The following TBX20 variants were observed in gnomAD, a reference collection of about 807,000 sequenced individuals.
TBX20 encodes T-box transcription factor 20, also known as T-box transcription factor TBX20.
Under a neutral mutation model 42.9 loss-of-function variants are expected in TBX20, and 8 were observed. The ratio of observed to expected loss-of-function variants is 0.19; its 90% CI spans 0.11 to 0.34. TBX20 has a LOEUF of 0.34. TBX20 is among the 10% of genes least tolerant of loss of function. The pLI is 1.00. For synonymous variants in TBX20, 198 were observed against 222.8 expected (o/e 0.89, Z 0.99); for missense variants, 411 against 566.0 (o/e 0.73, Z 2.78).
chr7:35,226,032 T>C (rs1224268636), intron 6 of TBX20, among the ~76,000 whole-genome samples: 3 of 152,086 alleles, frequency 2.0e-5, no homozygotes, highest in Non-Finnish European at 4.4e-5. Context: ...ATGAATACAT[T>C]AGTAAATACA....
chr7:35,209,795 A>T (rs917702058), intron 6 of TBX20, among the ~76,000 whole-genome samples: 12 of 152,182 alleles, frequency 7.9e-5, no homozygotes, highest in Non-Finnish European at 1.6e-4. Context: ...GTAGCACTAT[A>T]AATTTTCTGG....
At chr7:35,245,732 A>G (rs1439504314) in intron 3 of TBX20, among the ~76,000 whole-genome samples, 4 of 152,206 alleles carry the variant, frequency 2.6e-5, no homozygotes, top group African/African-American at 9.6e-5. Flanking sequence ...CACACTTCAC[A>G]TTATTCAATT....
At chr7:35,253,052 T>G (rs1172169506) in intron 1 of TBX20, among the ~76,000 whole-genome samples, 3 of 151,348 alleles carry the variant, frequency 2.0e-5, no homozygotes, top group African/African-American at 4.9e-5. Context: ...AAGAGCTTGC[T>G]CTGTTTTGTC....
In TBX20 at chr7:35,205,988, AAAGTATG is replaced by A. The variant is rs1393049458; in HGVS notation, c.891-1413_891-1407del. Among the ~76,000 whole-genome samples the A allele has an allele frequency of 2.0e-5, 3 of 152,240 alleles. No individual in the cohort carries two copies. The South Asian group carries it at 6.2e-4, about 32-fold the overall frequency. On this transcript the variant is annotated intron_variant, in intron 6 of 7. Coordinates refer to ENST00000408931, the MANE Select transcript of TBX20 (RefSeq NM_001077653.2). ...AAAAGTAAAATACAGAATGTTATGTAAAGTATGCTACCATTTGTGAAGTTAGAACACA... is the reference window on the plus strand; with the variant it reads ...AAAAGTAAAATACAGAATGTTATGTACTACCATTTGTGAAGTTAGAACACA...
intron 1 of TBX20, among the ~76,000 whole-genome samples, chr7:35,250,653 C>T (rs980261186): frequency 2.0e-5 from 3 of 152,300 alleles, no homozygotes; most frequent in Non-Finnish European, 2.9e-5. Context: ...GAGATCAGCA[C>T]CTTCCTCACC....
chr7:35,202,480 C>T lies in TBX20; in HGVS notation c.1294G>A (p.Ala432Thr), dbSNP rs1057352128. The T allele has an allele frequency of 6.2e-7, 1 of 1,606,944 alleles. No individual in the cohort carries two copies. The highest frequency in any genetic ancestry group is 1.3e-5 in the African/African-American group (1 of 74,656). The change falls in exon 8 of 8, where the codon GCC becomes ACC. Residue 432 changes from alanine (A) to threonine (T), a missense_variant. This residue lies in a region of TBX20 where 162 missense variants were observed against 205.4 expected (regional missense o/e 0.79). Coordinates refer to ENST00000408931, the MANE Select transcript of TBX20 (RefSeq NM_001077653.2). ...HHYFQQGPYAAIQGLRHSSAV... is the reference protein window; with the variant it reads ...HHYFQQGPYATIQGLRHSSAV... Reference sequence around the variant, plus strand: ...GAGGAATGGCGTAGTCCTTGAATGGCAGCATAGGGCCCCTGCTGAAAATAG... The same window carrying T: ...GAGGAATGGCGTAGTCCTTGAATGGTAGCATAGGGCCCCTGCTGAAAATAG...
Position 35,241,050 on chromosome 7 carries a change from G to T in TBX20, c.655-13C>A, listed in dbSNP as rs1201003457. ...AGTTCAAAATTATCTACAACAAAAA[G>T]ATGGGAAGTACTGAATTTTACATAC... is the stretch of plus-strand genomic sequence containing the variant. On this transcript the variant is annotated splice_polypyrimidine_tract_variant and intron_variant, in intron 4 of 7. Transcript: ENST00000408931. The T allele has an allele frequency of 1.2e-6, 2 of 1,612,684 alleles. No individual in the cohort carries two copies. Among genetic ancestry groups the T allele is most frequent in the Middle Eastern group, 1.6e-4 (1 of 6,078 alleles).
intron 6 of TBX20, among the ~76,000 whole-genome samples, chr7:35,229,920 A>C (rs1486650081): frequency 3.3e-5 from 5 of 152,188 alleles, no homozygotes; most frequent in Non-Finnish European, 5.9e-5. Flanking sequence ...GTACAGACTC[A>C]GAAGTCTGGT....
chr7:35,215,042 A>T (rs924168046), intron 6 of TBX20, among the ~76,000 whole-genome samples: 1 of 152,202 alleles, frequency 6.6e-6, no homozygotes, highest in African/African-American at 2.4e-5. Context: ...ACTTAATAAG[A>T]TCATTTAAAT....
Position 35,250,213 on chromosome 7 carries a change from A to G in TBX20, c.128-10T>C. The G allele has an allele frequency of 6.2e-7, 1 of 1,613,940 alleles. No individual in the cohort carries two copies. The highest frequency in any genetic ancestry group is 8.5e-7 in the Non-Finnish European group (1 of 1,179,962). The stretch of plus-strand genomic sequence containing the variant: ...TTCTCCACAAATTGCTCTGGAGGTA[A>G]AGAGAATTGTGAATGACAGCTGACA... On this transcript the variant is annotated splice_polypyrimidine_tract_variant and intron_variant, in intron 1 of 7. Transcript: ENST00000408931.
chr7:35,250,571 A>C (rs1790286702), intron 1 of TBX20, among the ~76,000 whole-genome samples: 1 of 152,272 alleles, frequency 6.6e-6, no homozygotes, highest in African/African-American at 2.4e-5. Context: ...TTCGTAGCTC[A>C]TGGAACTGAT....
At position 35,253,763 on chromosome 7, in the gene TBX20, C is replaced by CTGGAGTCGTTGGAGCTGA; in HGVS notation, c.-144_-143insTCAGCTCCAACGACTCCA. On this transcript the variant is annotated 5_prime_UTR_variant, in exon 1 of 8. Transcript: ENST00000408931. ...GCCAGGGACTCCAGAAGTGTCAGCTCCAACGACTCCAGAGCTGCACACTGG... is the reference window on the plus strand; with the variant it reads ...GCCAGGGACTCCAGAAGTGTCAGCTCTGGAGTCGTTGGAGCTGACAACGACTCCAGAGCTGCACACTGG... 2 of 1,020,262 alleles carry CTGGAGTCGTTGGAGCTGA rather than the reference C, an allele frequency of 2.0e-6. No individual in the cohort carries two copies. Among genetic ancestry groups the CTGGAGTCGTTGGAGCTGA allele is most frequent in the Non-Finnish European group, 2.8e-6 (2 of 704,842 alleles). 63.2% of individuals were successfully genotyped at this position (1,020,262 alleles called of 1,614,324 possible).
rs202004153 is a variant in TBX20 at position 35,202,724 on chromosome 7, T to C, written c.1050A>G (p.Val350=). ...ACCCAGGAAAACTGGAAGAAGATGATACCCAGGAGCTGAGAGACAAATTAT... is the reference window on the plus strand; with the variant it reads ...ACCCAGGAAAACTGGAAGAAGATGACACCCAGGAGCTGAGAGACAAATTAT... ...TSDNLSLSSW[V]SSSSSFPGFQ... Residue 350 remains valine, a synonymous_variant, in exon 8 of 8, where the codon GTA becomes GTG. Coordinates refer to ENST00000408931, the MANE Select transcript of TBX20 (RefSeq NM_001077653.2). 42 of 1,586,268 alleles carry C rather than the reference T, an allele frequency of 2.6e-5. No individual in the cohort carries two copies. The highest frequency in any genetic ancestry group is 5.4e-5 in the Admixed American group (3 of 55,510).
At chr7:35,210,084 G>C (rs1032224729) in intron 6 of TBX20, among the ~76,000 whole-genome samples, 3 of 151,308 alleles carry the variant, frequency 2.0e-5, no homozygotes, top group African/African-American at 7.3e-5. Flanking sequence ...TGCAAAGAAG[G>C]CATATTCTGC....
chr7:35,240,430 C>T (rs1312369436), intron 5 of TBX20, among the ~76,000 whole-genome samples: 8 of 152,162 alleles, frequency 5.3e-5, no homozygotes, highest in Non-Finnish European at 1.5e-5. Context: ...AATTATCTCA[C>T]CCTAAATTAT....
chr7:35,238,291 T>C (rs192211095), intron 5 of TBX20, among the ~76,000 whole-genome samples: 1 of 152,296 alleles, frequency 6.6e-6, no homozygotes, highest in East Asian at 1.9e-4. Flanking sequence ...TCTTGGTCTC[T>C]CACCTATTAA....
rs1400586835 is a variant in TBX20 at position 35,253,907 on chromosome 7, A to G, written c.-287T>C. 2.3e-6 allele frequency: 1 copy of G among 431,044 alleles called. No individual in the cohort carries two copies. The highest frequency in any genetic ancestry group is 3.9e-5 in the Admixed American group (1 of 25,422). 26.7% of individuals were successfully genotyped at this position (431,044 alleles called of 1,614,324 possible). ...GCCCCGGGGCGCTCGGCAGGACGAC[A>G]GTCTGCACAGCCCGAAGGCGGAAAC... On this transcript the variant is annotated 5_prime_UTR_variant, in exon 1 of 8. Transcript: ENST00000408931.
chr7:35,228,703 C>T (rs576999104), intron 6 of TBX20, among the ~76,000 whole-genome samples: 18 of 152,172 alleles, frequency 1.2e-4, no homozygotes, highest in Admixed American at 2.0e-4. Flanking sequence ...GAATGACTGT[C>T]TAAAGCTTGT....
intron 6 of TBX20, among the ~76,000 whole-genome samples, chr7:35,226,404 CAAA>C (rs375521286): frequency 1.2e-5 from 1 of 81,068 alleles, no homozygotes; most frequent in African/African-American, 4.5e-5. Flanking sequence ...GTGAACAATC[CAAA>C]AAAAAAAAAA....
Sources: allele counts gnomAD v4.1 joint callset (sites outside exome capture counted in the v4.1 genomes callset), GRCh38; gene constraint gnomAD v4.1.1; regional missense constraint gnomAD v4.1.1; transcripts MANE v1.5; gene names NCBI Gene and HGNC (gene_info 2026-07-23, HGNC 2026-07-21).